RALYL: variants seen among roughly 807,000 people sequenced by gnomAD.
RALYL encodes RALY RNA binding protein like, also known as RNA-binding Raly-like protein.
A neutral mutation model predicts 35.1 loss-of-function variants in RALYL; 29 were observed. The ratio of observed to expected loss-of-function variants is 0.83; its 90% confidence interval spans 0.61 to 1.13. RALYL has a LOEUF of 1.13. Among genes scored for constraint, RALYL ranks in the 50% most tolerant of loss-of-function variants. The probability of loss-of-function intolerance (pLI) is 0.00; values close to 1 mark genes in which losing one functional copy is unlikely to be tolerated. For missense variants in RALYL, 359 were observed against 360.4 expected, an observed-to-expected ratio of 1.00 and a Z score of 0.03; for synonymous variants, 120 against 127.6, an observed-to-expected ratio of 0.94 and a Z score of 0.40.
chr8:84,702,543 A>G (rs1472460807), intron 2 of RALYL, among the ~76,000 whole-genome samples: 1 of 148,982 alleles, frequency 6.7e-6, no homozygotes, highest in Admixed American at 6.7e-5. Flanking sequence ...TCTCTCTCAC[A>G]CACACACACA....
chr8:84,644,193 A>G (rs1263239597), intron 2 of RALYL, among the ~76,000 whole-genome samples: 1 of 152,068 alleles, frequency 6.6e-6, no homozygotes, highest in Non-Finnish European at 1.5e-5. Context: ...TAAGGGTTAC[A>G]TTTTGAGACT....
At chr8:84,509,043 G>T (rs1340185340) in intron 1 of RALYL, among the ~76,000 whole-genome samples, 2 of 152,142 alleles carry the variant, frequency 1.3e-5, no homozygotes, top group African/African-American at 4.8e-5. Context: ...TTAAAAAAAT[G>T]TACAAAGCAT....
At chr8:84,529,087 A>T (rs1056847600) in intron 1 of RALYL, among the ~76,000 whole-genome samples, 8 of 152,248 alleles carry the variant, frequency 5.3e-5, no homozygotes, top group African/African-American at 1.9e-4. Flanking sequence ...ATGTTAAGTG[A>T]TTATGTTTTT....
intron 1 of RALYL, among the ~76,000 whole-genome samples, chr8:84,511,178 C>G (rs1161081983): frequency 6.6e-6 from 1 of 152,044 alleles, no homozygotes; most frequent in Non-Finnish European, 1.5e-5. Flanking sequence ...CTTCTTTTAC[C>G]ATGGGAAATA....
At chr8:84,244,641 C>T (rs952726296) in intron 1 of RALYL, among the ~76,000 whole-genome samples, 1 of 152,140 alleles carries the variant, frequency 6.6e-6, no homozygotes, top group Non-Finnish European at 1.5e-5. Flanking sequence ...TCTTAGTTGT[C>T]TTTGTTGTTA....
chr8:84,335,284 C>T (rs1847567929), intron 1 of RALYL, among the ~76,000 whole-genome samples: 3 of 152,128 alleles, frequency 2.0e-5, no homozygotes, highest in Admixed American at 2.0e-4. Flanking sequence ...GGGTGCATAT[C>T]CATCTTCTCT....
intron 1 of RALYL, among the ~76,000 whole-genome samples, chr8:84,203,393 T>C (rs547778555): frequency 7.2e-5 from 11 of 152,234 alleles, no homozygotes; most frequent in Non-Finnish European, 1.6e-4. Flanking sequence ...AATGGAACTT[T>C]TCAAGTGCTT....
At position 84,819,873 on chromosome 8, in the gene RALYL, ACTAT is replaced by A. The variant is rs148605012; in HGVS notation, c.365+15075_365+15078del. Among the ~76,000 whole-genome samples the A allele has an allele frequency of 3.2e-3, 492 of 152,258 alleles. 6 individuals are homozygous for A. The highest frequency in any genetic ancestry group is 0.011 in the African/African-American group (471 of 41,550). On this transcript the variant is annotated intron_variant, in intron 4 of 8. Transcript: ENST00000521268. ...AAAGAGTGTTATCAGCACTTCTACC[ACTAT>A]CTAATTTGTTCATATAATAAAGTGT... is the stretch of plus-strand genomic sequence containing the variant.
chr8:84,360,084 G>C (rs1172353415), intron 1 of RALYL, among the ~76,000 whole-genome samples: 4 of 152,026 alleles, frequency 2.6e-5, no homozygotes, highest in African/African-American at 4.8e-5. Flanking sequence ...TGTTGCCCAG[G>C]CTGGTCTTGA....
intron 8 of RALYL, among the ~76,000 whole-genome samples, chr8:84,909,989 C>G (rs1161025392): frequency 6.6e-6 from 1 of 152,060 alleles, no homozygotes; most frequent in Non-Finnish European, 1.5e-5. Flanking sequence ...ATCAGACACT[C>G]ATACTTTGTT....
intron 2 of RALYL, among the ~76,000 whole-genome samples, chr8:84,676,907 A>G (rs1013682702): frequency 8.5e-5 from 13 of 152,206 alleles, no homozygotes; most frequent in African/African-American, 2.9e-4. Context: ...GGTTCAAGCA[A>G]TTCTTCTGCT....
intron 1 of RALYL, among the ~76,000 whole-genome samples, chr8:84,382,024 A>G (rs947625508): frequency 6.6e-6 from 1 of 151,684 alleles, no homozygotes. Flanking sequence ...GATCCCTCCA[A>G]GTTATAAATA....
chr8:84,271,641 T>A (rs1273629350), intron 1 of RALYL, among the ~76,000 whole-genome samples: 3 of 151,968 alleles, frequency 2.0e-5, no homozygotes, highest in Non-Finnish European at 4.4e-5. Context: ...ATCCATATGA[T>A]GGACTACTAC....
chr8:84,240,753 A>G (rs1409163422), intron 1 of RALYL, among the ~76,000 whole-genome samples: 1 of 152,220 alleles, frequency 6.6e-6, no homozygotes, highest in Non-Finnish European at 1.5e-5. Context: ...TGATTTTAAC[A>G]GACAGGAATA....
At chr8:84,493,631 G>T (rs182261804) in intron 1 of RALYL, among the ~76,000 whole-genome samples, 2 of 151,982 alleles carry the variant, frequency 1.3e-5, no homozygotes, top group Admixed American at 6.6e-5. Flanking sequence ...ATGGTATCTC[G>T]TTGTGGTTTT....
At chr8:84,332,875 A>ATCTTAGTTTAATCTAAGAC (rs1847106967) in intron 1 of RALYL, among the ~76,000 whole-genome samples, 1 of 152,126 alleles carries the variant, frequency 6.6e-6, no homozygotes, top group South Asian at 2.1e-4. Flanking sequence ...TCCAGAAGTG[A>ATCTTAGTTTAATCTAAGAC]ACCCAGACAA....
In RALYL at chr8:84,804,820, T is replaced by C. The variant is rs1824213296; in HGVS notation, c.365+18T>C. ...TCTGTTGGGTAAGTATATATTTAAA[T>C]ACTTTAAGTATTAATTATTTAATTC... On this transcript the variant is annotated intron_variant, in intron 4 of 8. Coordinates refer to ENST00000521268, the MANE Select transcript of RALYL (RefSeq NM_173848.7). 1.9e-6 allele frequency: 2 copies of C among 1,051,420 alleles called. No individual in the cohort carries two copies. The highest frequency in any genetic ancestry group is 2.5e-6 in the Non-Finnish European group (2 of 801,902). The allele number at this position is 1,051,420 out of a possible 1,614,324, so 65.1% of individuals were successfully genotyped here.
At chr8:84,895,310 C>T (rs1339760840) in intron 8 of RALYL, among the ~76,000 whole-genome samples, 1 of 151,058 alleles carries the variant, frequency 6.6e-6, no homozygotes, top group African/African-American at 2.4e-5. Flanking sequence ...CTGCAATTGA[C>T]CTAGTCTAGG....
intron 2 of RALYL, among the ~76,000 whole-genome samples, chr8:84,696,730 C>A (rs1839222702): frequency 6.6e-6 from 1 of 151,922 alleles, no homozygotes; most frequent in Non-Finnish European, 1.5e-5. Context: ...TTTAAGTAAA[C>A]ATCTAAAAAC....
Sources: allele counts gnomAD v4.1 joint callset (sites outside exome capture counted in the v4.1 genomes callset), GRCh38; gene constraint gnomAD v4.1.1; transcripts MANE v1.5; gene names NCBI Gene and HGNC (gene_info 2026-07-23, HGNC 2026-07-21).